NAV3: variants seen among roughly 807,000 people sequenced by gnomAD.
NAV3 encodes the protein neuron navigator 3, also known as pore membrane and/or filament interacting like protein 1.
Under a neutral mutation model 244.7 loss-of-function variants are expected in NAV3, and 87 were observed. That is an observed-to-expected ratio of 0.36 (90% CI 0.30 to 0.42). The LOEUF is 0.42. Among genes scored for constraint, NAV3 ranks in the 20% least tolerant of loss-of-function variants. NAV3 has a pLI of 1.00. For missense variants in NAV3, 2,663 were observed against 2,893.3 expected (o/e 0.92, Z 1.83); for synonymous variants, 1,126 against 1,042.2 (o/e 1.08, Z -1.55).
chr12:77,665,021 C>A (rs142661899), intron 2 of NAV3, among the ~76,000 whole-genome samples: 1 of 152,154 alleles, frequency 6.6e-6, no homozygotes, highest in African/African-American at 2.4e-5. Context: ...GTGCACACCC[C>A]CTCGCCTGGC....
chr12:77,782,048 G>A (rs1288429211), intron 2 of NAV3, among the ~76,000 whole-genome samples: 1 of 152,056 alleles, frequency 6.6e-6, no homozygotes, highest in East Asian at 1.9e-4. Flanking sequence ...AAATATATGT[G>A]CCACATTCTT....
intron 2 of NAV3, among the ~76,000 whole-genome samples, chr12:77,705,496 A>G (rs1429130433): frequency 1.3e-5 from 2 of 151,474 alleles, no homozygotes; most frequent in South Asian, 2.1e-4. Context: ...AAATTATGAA[A>G]TGGCTTTCGA....
At chr12:78,204,914 A>G (rs2140085210) in intron 38 of NAV3, 21 bp from the exon 39 acceptor site, 2 of 1,610,464 alleles carry the variant, frequency 1.2e-6, no homozygotes, top group African/African-American at 1.3e-5. Context: ...TATATATCCT[A>G]AACGCGTGGT....
chr12:78,210,596 C>T lies in NAV3; in HGVS notation c.*79C>T. On this transcript the variant is annotated 3_prime_UTR_variant, in exon 40 of 40. Coordinates refer to ENST00000397909, the MANE Select transcript of NAV3 (RefSeq NM_001024383.2). ...GAAAGGTATTTTCACTAAACCACTG[C>T]CAGTATAAAAGCACCCTGTCAAGGG... 16 of 1,527,892 alleles carry T rather than the reference C, an allele frequency of 1.0e-5. No individual in the cohort carries two copies. Among genetic ancestry groups the T allele is most frequent in the Non-Finnish European group, 1.4e-5 (16 of 1,130,974 alleles). 94.6% of individuals were successfully genotyped at this position (1,527,892 alleles called of 1,614,324 possible). A position where few individuals can be genotyped will look rare whatever the true frequency, so the allele number is the denominator to read the frequency against.
rs1339901528 is a variant in NAV3 at position 78,007,425 on chromosome 12, A to C, written c.1887A>C (p.Thr629=). 1 of 1,613,702 alleles carries C rather than the reference A, an allele frequency of 6.2e-7. No homozygotes were observed. Among genetic ancestry groups the C allele is most frequent in the Admixed American group, 1.7e-5 (1 of 59,990 alleles). The change falls in exon 8 of 40, where the codon ACA becomes ACC. Residue 629 remains threonine (T), a synonymous_variant. Transcript: ENST00000397909. ...QQQHSHPNTA[T]VAPFIYRAHS... is the part of the protein sequence containing the mutation. ...AACATAGCCACCCGAATACCGCGAC[A>C]GTGGCACCATTCATTTACAGGTAAG...
intron 11 of NAV3, among the ~76,000 whole-genome samples, chr12:78,051,356 C>T (rs1246590054): frequency 6.6e-6 from 1 of 152,144 alleles, no homozygotes; most frequent in Non-Finnish European, 1.5e-5. Context: ...TTATAAGCCG[C>T]TAAGTTTTTC....
intron 5 of NAV3, among the ~76,000 whole-genome samples, chr12:77,989,704 C>T (rs1871136833): frequency 6.6e-6 from 1 of 152,120 alleles, no homozygotes. Context: ...AACATTTATT[C>T]TCTATACTGG....
chr12:77,841,720 A>G (rs1364363642), intron 1 of NAV3, among the ~76,000 whole-genome samples: 2 of 152,208 alleles, frequency 1.3e-5, no homozygotes, highest in Non-Finnish European at 2.9e-5. Context: ...AAAGACTAAC[A>G]TATATACTAA....
chr12:78,051,133 T>C lies in NAV3; in HGVS notation c.2502T>C (p.Asp834=), dbSNP rs1038045401. The C allele has an allele frequency of 6.2e-7, 1 of 1,607,636 alleles. No homozygotes were observed. Among genetic ancestry groups the C allele is most frequent in the Non-Finnish European group, 8.5e-7 (1 of 1,174,748 alleles). ...TCCTTGGGAAAAGTCTCAGGACTGA[T>C]GACATCAACAGTGGGTAAGTAACCC... ...GDILGKSLRT[D]DINSGYMTDG... Residue 834 remains aspartate, a synonymous_variant, in exon 11 of 40, where the codon GAT becomes GAC. Coordinates refer to ENST00000397909, the MANE Select transcript of NAV3 (RefSeq NM_001024383.2).
At chr12:77,742,955 A>G (rs1868366438) in intron 2 of NAV3, among the ~76,000 whole-genome samples, 1 of 152,006 alleles carries the variant, frequency 6.6e-6, no homozygotes, top group Non-Finnish European at 1.5e-5. Context: ...GAATAATACC[A>G]TGGGATCCAA....
chr12:78,072,213 C>CA (rs1357631240), intron 12 of NAV3, among the ~76,000 whole-genome samples: 1 of 148,972 alleles, frequency 6.7e-6, no homozygotes, highest in African/African-American at 2.5e-5. Flanking sequence ...AATAGAGACA[C>CA]AAAAAACCCT....
intron 2 of NAV3, among the ~76,000 whole-genome samples, chr12:77,808,080 C>T (rs952222050): frequency 4.6e-5 from 7 of 152,056 alleles, no homozygotes; most frequent in African/African-American, 1.7e-4. Context: ...TTCTTCTAAC[C>T]TTTTTGCAAG....
intron 16 of NAV3, among the ~76,000 whole-genome samples, chr12:78,122,662 C>A (rs546058520): frequency 6.6e-6 from 1 of 152,060 alleles, no homozygotes. Context: ...CATTTATACC[C>A]AGTAGGCAAT....
intron 34 of NAV3, among the ~76,000 whole-genome samples, chr12:78,192,393 ATTTT>A (rs999436220): frequency 2.0e-5 from 3 of 150,760 alleles, no homozygotes; most frequent in Non-Finnish European, 3.0e-5. Flanking sequence ...ATTTTTTATT[ATTTT>A]ATTTTATTTT....
At chr12:77,622,309 G>A (rs530565484) in intron 2 of NAV3, among the ~76,000 whole-genome samples, 73 of 151,980 alleles carry the variant, frequency 4.8e-4, no homozygotes, top group Non-Finnish European at 9.4e-4. Context: ...ACAGGTGCCC[G>A]CCACCACACC....
rs770375734 is a variant in NAV3, at chr12:78,006,718, C to T, written c.1180C>T (p.Arg394Trp). ...TGAGAAATTCAAGCTAGTCAATGCCCGGACTGCTTTACGCCCCCCGCAGCC... is the reference window on the plus strand; with the variant it reads ...TGAGAAATTCAAGCTAGTCAATGCCTGGACTGCTTTACGCCCCCCGCAGCC... ...MLEKFKLVNA[R>W]TALRPPQPPS... Residue 394 changes from arginine (R) to tryptophan (W), a missense_variant, in exon 8 of 40, where the codon CGG (arginine) becomes TGG (tryptophan). Around this residue, in one of 6 missense-constraint regions of NAV3, gnomAD observed 1,521 missense variants for 1,497.0 expected, o/e 1.02. Transcript: ENST00000397909. 6.2e-6 allele frequency: 10 copies of T among 1,613,984 alleles called. No individual in the cohort carries two copies. The highest frequency in any genetic ancestry group is 5.0e-5 in the Admixed American group (3 of 60,000).
chr12:77,671,735 C>T (rs11106211), intron 2 of NAV3, among the ~76,000 whole-genome samples: 11,838 of 152,096 alleles, frequency 0.078, 642 homozygotes, highest in African/African-American at 0.16. Context: ...GGATTTTCAT[C>T]TCTCAGCTTA....
At chr12:77,825,631 C>A (rs971899102) in intron 2 of NAV3, among the ~76,000 whole-genome samples, 1 of 152,074 alleles carries the variant, frequency 6.6e-6, no homozygotes. Flanking sequence ...AAAGATGACA[C>A]TAGACACTAA....
chr12:78,192,455 G>GA (rs1438763797), intron 34 of NAV3, among the ~76,000 whole-genome samples: 2 of 151,056 alleles, frequency 1.3e-5, no homozygotes, highest in Non-Finnish European at 2.9e-5. Context: ...GCCCAAGCTG[G>GA]AGTACAGTGG....
Sources: gnomAD v4.1 joint callset for allele counts (sites outside exome capture counted in the v4.1 genomes callset) on GRCh38, gnomAD v4.1.1 for gene constraint, gnomAD v4.1.1 regional missense constraint, MANE v1.5 for transcripts, NCBI Gene and HGNC (gene_info 2026-07-23, HGNC 2026-07-21) for gene names.